PRLR: variants seen among roughly 807,000 people sequenced by gnomAD.
PRLR encodes prolactin receptor, also known as hPRL receptor.
PRLR carries 13 observed loss-of-function variants against 40.2 expected under a neutral mutation model. That is an observed-to-expected ratio of 0.32 (90% confidence interval 0.21 to 0.51). PRLR has a LOEUF of 0.51. PRLR is among the 20% of genes least tolerant of loss of function. PRLR has a pLI of 0.97. For synonymous variants in PRLR, 269 were observed against 278.7 expected (o/e 0.97, Z 0.35); for missense variants, 656 against 747.3 (o/e 0.88, Z 1.42).
In PRLR at chr5:35,105,673, T is replaced by C. The variant is rs143847171; in HGVS notation, c.-44+12388A>G. Among the ~76,000 whole-genome samples, 569 of 151,974 alleles carry C rather than the reference T, an allele frequency of 3.7e-3. 3 individuals are homozygous for C. The highest frequency in any genetic ancestry group is 0.012 in the African/African-American group (492 of 41,456). On this transcript the variant is annotated intron_variant, in intron 2 of 9. Transcript: ENST00000618457. The stretch of plus-strand genomic sequence containing the variant: ...ATGAAATGAAGTGAGAAGAGAAGTT[T>C]AGAGAAAAAAAGAGTAAAAAGAAAC...
chr5:35,176,060 C>T (rs1019680817), intron 1 of PRLR, among the ~76,000 whole-genome samples: 2 of 152,114 alleles, frequency 1.3e-5, no homozygotes, highest in Admixed American at 6.6e-5. Flanking sequence ...AACATATACA[C>T]ACATACGGAT....
intron 1 of PRLR, among the ~76,000 whole-genome samples, chr5:35,129,432 T>C (rs572260931): frequency 7.2e-5 from 11 of 152,280 alleles, no homozygotes; most frequent in Admixed American, 2.0e-4. Flanking sequence ...GATGAGTCAC[T>C]GTGGAACTGT....
rs962405536 is a variant in PRLR, at chr5:35,058,912, T to A, written c.*6177A>T. 1.1e-4 allele frequency: 16 copies of A among 152,040 alleles called. No homozygotes were observed. Among genetic ancestry groups the A allele is most frequent in the Admixed American group, 1.0e-3 (16 of 15,260 alleles). 9.4% of individuals were successfully genotyped at this position (152,040 alleles called of 1,614,324 possible). A position where few individuals can be genotyped will look rare whatever the true frequency, so the allele number is the denominator to read the frequency against. ...CTTTCATTTCTAAACTATAAGCAGC[T>A]TTGAAGGAAGGACATTAGGACACAA... On this transcript the variant is annotated 3_prime_UTR_variant, in exon 10 of 10. Transcript: ENST00000618457.
chr5:35,179,266 A>G (rs902421837), intron 1 of PRLR, among the ~76,000 whole-genome samples: 14 of 152,238 alleles, frequency 9.2e-5, no homozygotes, highest in African/African-American at 3.4e-4. Context: ...ATAAAAGGAT[A>G]TATTTGCCAC....
At chr5:35,189,344 G>T (rs1447265271) in intron 1 of PRLR, among the ~76,000 whole-genome samples, 3 of 152,302 alleles carry the variant, frequency 2.0e-5, no homozygotes, top group East Asian at 3.9e-4. Context: ...ACTTTGGGAG[G>T]TTGAGGCACG....
intron 1 of PRLR, among the ~76,000 whole-genome samples, chr5:35,163,466 C>A (rs142560636): frequency 6.6e-6 from 1 of 152,070 alleles, no homozygotes; most frequent in Non-Finnish European, 1.5e-5. Context: ...AGCTAGGATG[C>A]GAGATAATGA....
intron 1 of PRLR, among the ~76,000 whole-genome samples, chr5:35,221,253 G>C (rs886327776): frequency 3.9e-5 from 6 of 152,178 alleles, no homozygotes; most frequent in African/African-American, 1.4e-4. Flanking sequence ...GCAAGTCTTG[G>C]TTAACTAAAG....
At chr5:35,088,111 A>G (rs1245280277) in intron 3 of PRLR, among the ~76,000 whole-genome samples, 2 of 152,176 alleles carry the variant, frequency 1.3e-5, no homozygotes, top group Non-Finnish European at 2.9e-5. Context: ...AGCTGGCCAG[A>G]AAGAGGAATT....
intron 2 of PRLR, among the ~76,000 whole-genome samples, chr5:35,117,256 CTA>C (rs1373130032): frequency 6.6e-6 from 1 of 152,174 alleles, no homozygotes; most frequent in African/African-American, 2.4e-5. Context: ...TGTGGGAAGA[CTA>C]GTAAGTTTCC....
At chr5:35,082,822 C>T (rs751446993) in intron 5 of PRLR, among the ~76,000 whole-genome samples, 31 of 152,250 alleles carry the variant, frequency 2.0e-4, no homozygotes, top group Middle Eastern at 6.8e-3. Flanking sequence ...TAGGAGAGTT[C>T]TGTGGACACT....
chr5:35,107,300 C>T (rs573739730), intron 2 of PRLR, among the ~76,000 whole-genome samples: 7 of 152,288 alleles, frequency 4.6e-5, no homozygotes, highest in African/African-American at 1.7e-4. Flanking sequence ...GACACCCTAA[C>T]ATCACAATTA....
At chr5:35,182,365 C>A (rs1253981908) in intron 1 of PRLR, among the ~76,000 whole-genome samples, 1 of 152,070 alleles carries the variant, frequency 6.6e-6, no homozygotes, top group African/African-American at 2.4e-5. Context: ...GATTTCCACA[C>A]AGATAGATTT....
At chr5:35,160,551 G>T (rs527602656) in intron 1 of PRLR, among the ~76,000 whole-genome samples, 1 of 152,356 alleles carries the variant, frequency 6.6e-6, no homozygotes, top group South Asian at 2.1e-4. Context: ...GAGAGCCCCA[G>T]TCTATGGGGA....
At chr5:35,077,759 C>A (rs1173245659) in intron 5 of PRLR, among the ~76,000 whole-genome samples, 10 of 152,172 alleles carry the variant, frequency 6.6e-5, no homozygotes, top group Admixed American at 6.5e-4. Flanking sequence ...ACATTCTTCC[C>A]AGCACCACAT....
chr5:35,115,538 G>A (rs115317579), intron 2 of PRLR, among the ~76,000 whole-genome samples: 2 of 152,244 alleles, frequency 1.3e-5, no homozygotes, highest in Non-Finnish European at 2.9e-5. Context: ...ACATCCTCCC[G>A]AGGACCCTGG....
chr5:35,108,552 G>A (rs941117912), intron 2 of PRLR, among the ~76,000 whole-genome samples: 1 of 152,158 alleles, frequency 6.6e-6, no homozygotes, highest in African/African-American at 2.4e-5. Context: ...AAAATCACAA[G>A]CATTCCTATA....
intron 1 of PRLR, among the ~76,000 whole-genome samples, chr5:35,148,272 C>A (rs892834411): frequency 1.3e-5 from 2 of 152,026 alleles, no homozygotes; most frequent in Admixed American, 6.6e-5. Context: ...CCATACAAAC[C>A]AACAATATTC....
rs764216661 is a variant in PRLR, at chr5:35,065,384, G to A, written c.1574C>T (p.Pro525Leu). 33 of 1,613,970 alleles carry A rather than the reference G, an allele frequency of 2.0e-5. No individual in the cohort carries two copies. The highest frequency in any genetic ancestry group is 2.3e-5 in the Non-Finnish European group (27 of 1,180,020). Residue 525 changes from proline (P) to leucine (L), a missense_variant, in exon 10 of 10, where the codon CCA becomes CTA. This residue lies in a region of PRLR where 469 missense variants were observed against 491.5 expected (regional missense o/e 0.95). Transcript: ENST00000618457. Reference protein sequence around the residue: ...VNKDGALSLLPKQRENSGKPK... With the variant: ...VNKDGALSLLLKQRENSGKPK... ...CTTGCCGCTGTTCTCTCTCTGTTTTGGTAGCAATGATAATGCACCATCTTT... is the reference window on the plus strand; with the variant it reads ...CTTGCCGCTGTTCTCTCTCTGTTTTAGTAGCAATGATAATGCACCATCTTT...
At chr5:35,166,883 T>A (rs1240387785) in intron 1 of PRLR, among the ~76,000 whole-genome samples, 1 of 152,160 alleles carries the variant, frequency 6.6e-6, no homozygotes, top group Non-Finnish European at 1.5e-5. Flanking sequence ...GTCAGCATCA[T>A]CTGGAAGTTT....
Sources: allele counts gnomAD v4.1 joint callset (sites outside exome capture counted in the v4.1 genomes callset), GRCh38; gene constraint gnomAD v4.1.1; regional missense constraint gnomAD v4.1.1; transcripts MANE v1.5; gene names NCBI Gene and HGNC (gene_info 2026-07-23, HGNC 2026-07-21).